The following PDK3 variants were observed in gnomAD, a reference collection of about 807,000 sequenced individuals.
PDK3 encodes pyruvate dehydrogenase kinase, isozyme 3.
Under a neutral mutation model 32.0 loss-of-function variants are expected in PDK3, and 12 were observed. The ratio of observed to expected loss-of-function variants is 0.37; its 90% CI spans 0.24 to 0.61. The LOEUF is 0.61. Ranked by LOEUF, PDK3 falls within the 20% of genes least tolerant of loss-of-function variation. The pLI, the probability that PDK3 is intolerant of heterozygous loss-of-function variation, is 0.65. For missense variants in PDK3, 188 were observed against 316.9 expected, an observed-to-expected ratio of 0.59 and a Z score of 3.09; for synonymous variants, 122 against 116.3, an observed-to-expected ratio of 1.05 and a Z score of -0.31.
chrX:24,537,420 A>T (rs1298971317), downstream of PDK3, among the ~76,000 whole-genome samples: 1 of 107,979 alleles, frequency 9.3e-6, no homozygotes, highest in East Asian at 2.9e-4. Context: ...GGCATAAGCC[A>T]CTGCACCCAG....
intron 6 of PDK3, 150 bp from the exon 7 acceptor site, chrX:24,526,048 T>G: frequency 2.3e-6 from 1 of 435,163 alleles, no homozygotes; most frequent in Non-Finnish European, 4.0e-6. Context: ...AGCATATGCT[T>G]TTGCTCAGCC....
chrX:24,468,001 G>C (rs968330463), intron 1 of PDK3, among the ~76,000 whole-genome samples: 2 of 111,827 alleles, frequency 1.8e-5, no homozygotes, highest in African/African-American at 3.3e-5. Context: ...TGGCCCACAG[G>C]CTGCTAGTTT....
intron 5 of PDK3, among the ~76,000 whole-genome samples, chrX:24,509,968 A>G (rs1922077598): frequency 8.9e-6 from 1 of 112,201 alleles, no homozygotes; most frequent in Admixed American, 9.5e-5. Context: ...GCATACAAGA[A>G]AGAGACTTAT....
At chrX:24,539,944 A>G (rs1922854033) in exon 12 of PDK3, 1 of 111,882 alleles carries the variant, frequency 8.9e-6, no homozygotes, top group African/African-American at 3.2e-5. Flanking sequence ...CTTCTGTCAA[A>G]CTTCCATCCA....
At chrX:24,476,865 A>C (rs755195810) in intron 1 of PDK3, among the ~76,000 whole-genome samples, 1 of 112,409 alleles carries the variant, frequency 8.9e-6, no homozygotes, top group African/African-American at 3.2e-5. Context: ...GACAGAGACT[A>C]TATGGCCCAC....
chrX:24,525,628 T>C (rs770718895), intron 6 of PDK3, among the ~76,000 whole-genome samples: 1 of 112,085 alleles, frequency 8.9e-6, no homozygotes, highest in East Asian at 2.8e-4. Flanking sequence ...TGTCTTCAGA[T>C]GACCCATGGT....
At chrX:24,466,752 G>C (rs1408034465) in intron 1 of PDK3, among the ~76,000 whole-genome samples, 1 of 111,833 alleles carries the variant, frequency 8.9e-6, no homozygotes, top group Non-Finnish European at 1.9e-5. Context: ...ATGACACGTT[G>C]ATTTCTGCAT....
exon 12 of PDK3, chrX:24,539,745 C>G (rs1041063712): frequency 3.6e-5 from 4 of 112,411 alleles, no homozygotes; most frequent in African/African-American, 1.3e-4. Context: ...TGGTGACTTT[C>G]ATGTTAGATC....
exon 12 of PDK3, chrX:24,549,204 C>G (rs973772132): frequency 9.0e-6 from 1 of 110,933 alleles, no homozygotes; most frequent in East Asian, 2.8e-4. Context: ...TTGTAACCAG[C>G]GTTAAAAAAA....
chrX:24,527,482 G>T, intron 7 of PDK3, 92 bp from the exon 8 acceptor site: 1 of 530,154 alleles, frequency 1.9e-6, no homozygotes, highest in African/African-American at 2.3e-5. Context: ...AAAAAGGGTT[G>T]TTGGGTATAA....
intron 6 of PDK3, among the ~76,000 whole-genome samples, chrX:24,524,245 A>G (rs1037780749): frequency 8.9e-6 from 1 of 112,311 alleles, no homozygotes; most frequent in Non-Finnish European, 1.9e-5. Context: ...GATGATGGCT[A>G]TGCAGCATGT....
chrX:24,505,619 A>G (rs898792164), intron 5 of PDK3, among the ~76,000 whole-genome samples: 2 of 112,377 alleles, frequency 1.8e-5, no homozygotes, highest in African/African-American at 3.2e-5. Context: ...ATTTCAGAGA[A>G]TCCAAATTCT....
At chrX:24,499,777 A>G (rs1921806798) in intron 3 of PDK3, among the ~76,000 whole-genome samples, 1 of 112,025 alleles carries the variant, frequency 8.9e-6, no homozygotes, top group Admixed American at 9.5e-5. Context: ...CCTATAAGCT[A>G]TGTTTACGTC....
chrX:24,550,041 A>G (rs2148209609), exon 12 of PDK3: 1 of 112,456 alleles, frequency 8.9e-6, no homozygotes, highest in South Asian at 3.7e-4. Flanking sequence ...AAAGTATTAT[A>G]CATCAAATAA....
In PDK3 at chrX:24,534,012, T is replaced by A; in HGVS notation, c.1161T>A (p.Asp387Glu). 1 of 1,211,190 alleles carries A rather than the reference T, an allele frequency of 8.3e-7. No individual in the cohort carries two copies. The highest frequency in any genetic ancestry group is 1.1e-6 in the Non-Finnish European group (1 of 895,140). The part of the protein sequence containing the change: ...WRHYKTTPEA[D>E]DWSNPSSEPR... ...ATTACAAGACCACGCCTGAAGCCGA[T>A]GATTGGAGCAATCCCAGCAGTGAAC... The change falls in exon 11 of 11, where the codon GAT (aspartate) becomes GAA (glutamate). Residue 387 changes from aspartate (D) to glutamate (E), a missense_variant. Transcript: ENST00000379162.
intron 3 of PDK3, among the ~76,000 whole-genome samples, chrX:24,500,233 AT>A (rs1921821129): frequency 5.4e-5 from 6 of 112,022 alleles, no homozygotes; most frequent in Admixed American, 3.8e-4. Flanking sequence ...ATAATACAAA[AT>A]TTTAAAATAC....
intron 1 of PDK3, among the ~76,000 whole-genome samples, chrX:24,472,685 T>C (rs1921006215): frequency 2.2e-5 from 2 of 89,075 alleles, no homozygotes; most frequent in Non-Finnish European, 4.4e-5. Context: ...CTTTTTTTTT[T>C]TTTTTTTTTT....
At chrX:24,485,241 G>A (rs997779775) in intron 1 of PDK3, among the ~76,000 whole-genome samples, 3 of 111,690 alleles carry the variant, frequency 2.7e-5, no homozygotes, top group Admixed American at 9.5e-5. Context: ...CCAGCTACTC[G>A]GGAGGCTGAA....
At chrX:24,487,990 G>A (rs1266073108) in intron 1 of PDK3, among the ~76,000 whole-genome samples, 1 of 48,478 alleles carries the variant, frequency 2.1e-5, no homozygotes, top group East Asian at 7.4e-4. Flanking sequence ...GGCAACAAGA[G>A]CAAAACTCCA....
Sources: gnomAD v4.1 joint callset for allele counts (sites outside exome capture counted in the v4.1 genomes callset) on GRCh38, gnomAD v4.1.1 for gene constraint, MANE v1.5 for transcripts, NCBI Gene and HGNC (gene_info 2026-07-23, HGNC 2026-07-21) for gene names.